The following KIF15 variants were observed in gnomAD, a reference collection of about 807,000 sequenced individuals.
The protein encoded by KIF15 is kinesin family member 15.
A neutral mutation model predicts 190.6 loss-of-function variants in KIF15; 140 were observed. The ratio of observed to expected loss-of-function variants is 0.73; its 90% confidence interval spans 0.64 to 0.84. The LOEUF is 0.84. Ranked by LOEUF, KIF15 falls within the 40% of genes least tolerant of loss-of-function variation. KIF15 has a pLI of 0.00. For missense variants in KIF15, 1,372 were observed against 1,584.4 expected (o/e 0.87, Z 2.28); for synonymous variants, 528 against 551.3 (o/e 0.96, Z 0.59).
At chr3:44,814,745 A>G (rs1260496660) in intron 19 of KIF15, among the ~76,000 whole-genome samples, 166 bp from the exon 20 acceptor site, 2 of 152,228 alleles carry the variant, frequency 1.3e-5, no homozygotes, top group Admixed American at 6.5e-5. Context: ...GGAGAGGAAG[A>G]AAATAGAAAT....
At position 44,786,298 on chromosome 3, in the gene KIF15, A is replaced by G. The variant is rs138858317; in HGVS notation, c.460-97A>G. 370 of 945,074 alleles carry G rather than the reference A, an allele frequency of 3.9e-4. 5 individuals carry two copies. The East Asian group carries it at 6.8e-3, about 17-fold the overall frequency. The allele number at this position is 945,074 out of a possible 1,614,324, so 58.5% of individuals were successfully genotyped here. A position where few individuals can be genotyped will look rare whatever the true frequency, so the allele number is the denominator to read the frequency against. On this transcript the variant is annotated intron_variant, in intron 6 of 34. Transcript: ENST00000326047. ...GTATTAAAGGATAATAGCATAGGAAATTTACATCTTGTGAAGCGAGTGCAA... is the reference window on the plus strand; with the variant it reads ...GTATTAAAGGATAATAGCATAGGAAGTTTACATCTTGTGAAGCGAGTGCAA...
chr3:44,830,860 A>G, intron 25 of KIF15, 36 bp from the exon 26 acceptor site: 1 of 1,589,976 alleles, frequency 6.3e-7, no homozygotes, highest in Non-Finnish European at 8.5e-7. Flanking sequence ...AACAGGAAAT[A>G]AAATGGCTCT....
chr3:44,802,705 C>A, intron 13 of KIF15, 109 bp from the exon 14 acceptor site: 1 of 1,084,512 alleles, frequency 9.2e-7, no homozygotes, highest in Non-Finnish European at 1.3e-6. Flanking sequence ...AGAAGGGTAC[C>A]ACCAGTAGTG....
intron 5 of KIF15, among the ~76,000 whole-genome samples, 183 bp from the exon 6 acceptor site, chr3:44,784,662 C>T (rs1392199632): frequency 1.3e-5 from 2 of 152,194 alleles, no homozygotes; most frequent in Non-Finnish European, 2.9e-5. Context: ...GATATTCCTG[C>T]AGATTTTGGT....
At chr3:44,772,074 C>A (rs1705664117) in intron 1 of KIF15, among the ~76,000 whole-genome samples, 1 of 152,036 alleles carries the variant, frequency 6.6e-6, no homozygotes, top group Non-Finnish European at 1.5e-5. Context: ...TCCTTTAGGC[C>A]AATTAATTAG....
At chr3:44,794,778 G>T (rs1706892067) in intron 8 of KIF15, among the ~76,000 whole-genome samples, 1 of 151,998 alleles carries the variant, frequency 6.6e-6, no homozygotes, top group Non-Finnish European at 1.5e-5. Flanking sequence ...TGGCCAACGT[G>T]GTGAAATCCC....
Position 44,771,130 on chromosome 3 carries a change from G to A in KIF15, c.20-3265G>A, listed in dbSNP as rs746311042. Among the ~76,000 whole-genome samples the A allele has an allele frequency of 2.0e-5, 3 of 152,140 alleles. No individual in the cohort carries two copies. The East Asian group carries it at 5.8e-4, about 29-fold the overall frequency. On this transcript the variant is annotated intron_variant, in intron 1 of 34. Transcript: ENST00000326047. The stretch of plus-strand genomic sequence containing the variant: ...AGAGGATGAAAACAAGACAACAATT[G>A]TCTGTGAATAACAAAATGTCCAGGG...
chr3:44,789,155 T>TA (rs1404296834), intron 7 of KIF15, among the ~76,000 whole-genome samples: 6 of 152,202 alleles, frequency 3.9e-5, no homozygotes, highest in African/African-American at 1.4e-4. Flanking sequence ...TCCAACTTCT[T>TA]AAGCTGGATG....
chr3:44,822,643 A>G (rs1160384866), intron 20 of KIF15, among the ~76,000 whole-genome samples: 2 of 152,130 alleles, frequency 1.3e-5, no homozygotes, highest in African/African-American at 2.4e-5. Context: ...AGGTACACCA[A>G]TCAAATGTAG....
intron 3 of KIF15, among the ~76,000 whole-genome samples, chr3:44,775,746 G>A (rs533764829): frequency 2.6e-5 from 4 of 151,824 alleles, no homozygotes; most frequent in South Asian, 2.1e-4. Flanking sequence ...GAGCCACCTC[G>A]CTGGAAACTT....
At chr3:44,840,916 C>T (rs150832789) in intron 28 of KIF15, among the ~76,000 whole-genome samples, 158 bp from the exon 29 acceptor site, 2,837 of 152,086 alleles carry the variant, frequency 0.019, 75 homozygotes, top group African/African-American at 0.064. Context: ...TTAGGCAGTC[C>T]GCCCACCTCG....
chr3:44,782,105 A>C (rs900671167), intron 5 of KIF15, among the ~76,000 whole-genome samples: 3 of 151,854 alleles, frequency 2.0e-5, no homozygotes, highest in Non-Finnish European at 4.4e-5. Context: ...GCTAGAGTGC[A>C]GTGGTACAAT....
At chr3:44,867,489 C>T (rs953397476) in intron 6 of KIF15, among the ~76,000 whole-genome samples, 1 of 152,230 alleles carries the variant, frequency 6.6e-6, no homozygotes, top group Non-Finnish European at 1.5e-5. Context: ...GGTGGTCGGC[C>T]TCCCTGGGCA....
At position 44,777,386 on chromosome 3, in the gene KIF15, G is replaced by A. The variant is rs189926801; in HGVS notation, c.247-729G>A. 2.6e-4 allele frequency among the ~76,000 whole-genome samples: 39 copies of A among 152,092 alleles called. 1 individual carries two copies. In the East Asian group the frequency reaches 6.0e-3, roughly 23 times the overall value. On this transcript the variant is annotated intron_variant, in intron 3 of 34. Transcript: ENST00000326047. Reference sequence around the variant, plus strand: ...GGATCTTTTTTTTATGTGGAGCATCGCTGGCCAATAGATAAGTAAAACGAG... The same window carrying A: ...GGATCTTTTTTTTATGTGGAGCATCACTGGCCAATAGATAAGTAAAACGAG...
At chr3:44,854,131 T>C (rs1699154351), downstream of KIF15, among the ~76,000 whole-genome samples, 1 of 152,314 alleles carries the variant, frequency 6.6e-6, no homozygotes, top group East Asian at 1.9e-4. Context: ...ACACCTGTAA[T>C]CCCAGCACTT....
chr3:44,848,776 G>A (rs1698958965), intron 32 of KIF15, among the ~76,000 whole-genome samples: 1 of 152,146 alleles, frequency 6.6e-6, no homozygotes, highest in Non-Finnish European at 1.5e-5. Context: ...AGCAGGAAAA[G>A]CCTAGCTTCC....
At chr3:44,827,166 G>T in intron 22 of KIF15, 1 of 390,514 alleles carries the variant, frequency 2.6e-6, no homozygotes, top group Non-Finnish European at 5.0e-6. Flanking sequence ...TGTCCTCGTG[G>T]ATTTTAACTT....
At position 44,813,134 on chromosome 3, in the gene KIF15, G is replaced by C; in HGVS notation, c.2337G>C (p.Leu779Phe). 6.2e-7 allele frequency: 1 copy of C among 1,602,642 alleles called. No homozygotes were observed. Among genetic ancestry groups the C allele is most frequent in the South Asian group, 1.1e-5 (1 of 88,212 alleles). ...TKQQEELLSQ[L>F]NVLEKQLQET... Reference sequence around the variant, plus strand: ...AGCAGGAAGAGCTTCTCTCACAGTTGAATGTCCTTGAAAAGCAGCTTCAAG... The same window carrying C: ...AGCAGGAAGAGCTTCTCTCACAGTTCAATGTCCTTGAAAAGCAGCTTCAAG... The change falls in exon 19 of 35, where the codon TTG becomes TTC. Residue 779 changes from leucine to phenylalanine, a missense_variant. Transcript: ENST00000326047.
intron 1 of KIF15, among the ~76,000 whole-genome samples, chr3:44,765,001 C>A (rs528401811): frequency 6.6e-6 from 1 of 152,242 alleles, no homozygotes; most frequent in South Asian, 2.1e-4. Context: ...CTCTCTTTAA[C>A]CTTTGATCAA....
Sources: gnomAD v4.1 joint callset for allele counts (sites outside exome capture counted in the v4.1 genomes callset) on GRCh38, gnomAD v4.1.1 for gene constraint, MANE v1.5 for transcripts, NCBI Gene and HGNC (gene_info 2026-07-23, HGNC 2026-07-21) for gene names.